SEC14L1: variants seen among roughly 807,000 people sequenced by gnomAD.
SEC14L1 encodes the protein SEC14-like protein 1.
In SEC14L1, 48 loss-of-function variants were observed where a neutral mutation model predicts 85.3. The ratio of observed to expected loss-of-function variants is 0.56; its 90% CI spans 0.45 to 0.72. The LOEUF is 0.72. SEC14L1 is among the 30% of genes least tolerant of loss of function. The pLI is 0.00. For synonymous variants in SEC14L1, 391 were observed against 355.5 expected (o/e 1.10, Z -1.12); for missense variants, 682 against 921.4 (o/e 0.74, Z 3.36).
At chr17:77,204,935 C>T (rs77992638) in intron 10 of SEC14L1, among the ~76,000 whole-genome samples, 2,226 of 152,240 alleles carry the variant, frequency 0.015, 48 homozygotes, top group Admixed American at 0.041. Flanking sequence ...TCAGAGTGTT[C>T]TCACACTCAC....
chr17:77,216,293 G>T lies in SEC14L1; in HGVS notation c.*2270G>T. 8.5e-7 allele frequency: 1 copy of T among 1,177,644 alleles called. No homozygotes were observed. Among genetic ancestry groups the T allele is most frequent in the South Asian group, 2.1e-5 (1 of 48,724 alleles). The allele number at this position is 1,177,644 out of a possible 1,614,324, so 72.9% of individuals were successfully genotyped here. A position where few individuals can be genotyped will look rare whatever the true frequency, so the allele number is the denominator to read the frequency against. ...TAGGTAGGGTTAGTAGGTAGGGTTC[G>T]TAGGTAGGGCTAGTAGGTAGGGCTA... On this transcript the variant is annotated 3_prime_UTR_variant, in exon 17 of 17. Transcript: ENST00000436233.
intron 2 of SEC14L1, among the ~76,000 whole-genome samples, chr17:77,091,781 A>G (rs55633074): frequency 0.18 from 26,802 of 151,838 alleles, 2,472 homozygotes; most frequent in Non-Finnish European, 0.19. Context: ...TTTCTCCTGG[A>G]GGTCTCCAAC....
chr17:77,166,140 T>G (rs78021156), intron 3 of SEC14L1, among the ~76,000 whole-genome samples: 14,505 of 152,258 alleles, frequency 0.095, 856 homozygotes, highest in East Asian at 0.29. Flanking sequence ...GAGATCTTGC[T>G]ATGTTGCCCA....
rs574920988 is a variant in SEC14L1, at chr17:77,156,574, T to TA, written c.63+12931dup. ...TGGGCAGCAGAGCGAGACTCCGTCTTAAAAAAAAAAAAAAAAGATGTCTAT... is the reference window on the plus strand; with the variant it reads ...TGGGCAGCAGAGCGAGACTCCGTCTTAAAAAAAAAAAAAAAAAGATGTCTAT... On this transcript the variant is annotated intron_variant, in intron 3 of 16. Transcript: ENST00000436233. Among the ~76,000 whole-genome samples, 922 of 136,530 alleles carry TA rather than the reference T, an allele frequency of 6.8e-3. 15 individuals are homozygous for TA. Among genetic ancestry groups the TA allele is most frequent in the African/African-American group, 0.018 (679 of 37,226 alleles). The allele number at this position is 136,530 out of a possible 152,430, so 89.6% of individuals were successfully genotyped here. A position where few individuals can be genotyped will look rare whatever the true frequency, so the allele number is the denominator to read the frequency against.
At chr17:77,137,067 G>C (rs1972821512), upstream of SEC14L1, among the ~76,000 whole-genome samples, 1 of 152,024 alleles carries the variant, frequency 6.6e-6, no homozygotes. Context: ...GTGCCACCAT[G>C]CCTGGTTAAT....
At chr17:77,089,200 T>TG in exon 2 of SEC14L1, 1 of 337,454 alleles carries the variant, frequency 3.0e-6, no homozygotes, top group Non-Finnish European at 5.9e-6. Flanking sequence ...GCTGAAAACA[T>TG]GCAGCAACCA....
chr17:77,191,449 G>A (rs1029815093), intron 5 of SEC14L1, 137 bp downstream of exon 5: 15 of 968,470 alleles, frequency 1.5e-5, no homozygotes, highest in Non-Finnish European at 2.4e-5. Context: ...CATTTCTCAT[G>A]TGTAGGAGGA....
chr17:77,152,773 T>C (rs1470603190), intron 3 of SEC14L1: 4 of 152,178 alleles, frequency 2.6e-5, no homozygotes, highest in African/African-American at 9.7e-5. Flanking sequence ...CACGTTCATG[T>C]TTTCTCACTT....
chr17:77,097,933 G>A (rs1387301375), intron 3 of SEC14L1, among the ~76,000 whole-genome samples: 1 of 152,090 alleles, frequency 6.6e-6, no homozygotes, highest in African/African-American at 2.4e-5. Context: ...ATTTTAGATG[G>A]GTGGCCTTTA....
chr17:77,152,190 G>A (rs1973588944), intron 3 of SEC14L1, among the ~76,000 whole-genome samples: 1 of 151,954 alleles, frequency 6.6e-6, no homozygotes, highest in Non-Finnish European at 1.5e-5. Flanking sequence ...AGATTACTAA[G>A]GCAGACTTTT....
At chr17:77,186,606 G>A (rs1284838842) in intron 3 of SEC14L1, among the ~76,000 whole-genome samples, 1 of 152,232 alleles carries the variant, frequency 6.6e-6, no homozygotes, top group Non-Finnish European at 1.5e-5. Flanking sequence ...ACCTTGTAAC[G>A]TTGTGGAGAG....
chr17:77,173,769 G>A (rs1341918597), intron 3 of SEC14L1, among the ~76,000 whole-genome samples: 1 of 152,162 alleles, frequency 6.6e-6, no homozygotes, highest in Non-Finnish European at 1.5e-5. Flanking sequence ...CAGTATTTTA[G>A]CAGGAGACCT....
chr17:77,180,693 G>A lies in SEC14L1; in HGVS notation c.64-10110G>A, dbSNP rs146507857. On this transcript the variant is annotated intron_variant, in intron 3 of 16. Coordinates refer to ENST00000436233, the MANE Select transcript of SEC14L1 (RefSeq NM_001143998.2). The stretch of plus-strand genomic sequence containing the variant: ...ATGTGCATGCCATGTACCATTGTGA[G>A]TTTGCCAGAAGCGGCCTTTGATCCT... Among the ~76,000 whole-genome samples the A allele has an allele frequency of 4.1e-3, 628 of 152,316 alleles. 7 individuals are homozygous for A. The highest frequency in any genetic ancestry group is 0.015 in the African/African-American group (605 of 41,564).
chr17:77,111,192 A>G (rs1043106251), intron 3 of SEC14L1, among the ~76,000 whole-genome samples: 10 of 73,928 alleles, frequency 1.4e-4, no homozygotes, highest in African/African-American at 3.8e-4. Flanking sequence ...TCTCAAAAAG[A>G]AAAAAAAAAA....
At chr17:77,132,072 G>A (rs1202715116) in intron 3 of SEC14L1, among the ~76,000 whole-genome samples, 1 of 152,120 alleles carries the variant, frequency 6.6e-6, no homozygotes, top group African/African-American at 2.4e-5. Context: ...TGCCTGTAGG[G>A]TAACCTACAT....
chr17:77,195,333 T>G (rs1975754825), intron 7 of SEC14L1, among the ~76,000 whole-genome samples: 1 of 150,886 alleles, frequency 6.6e-6, no homozygotes, highest in African/African-American at 2.4e-5. Context: ...TGTTTGTTTG[T>G]TTTGAGATAG....
At chr17:77,108,374 A>G (rs981868140) in intron 3 of SEC14L1, among the ~76,000 whole-genome samples, 1 of 152,226 alleles carries the variant, frequency 6.6e-6, no homozygotes, top group African/African-American at 2.4e-5. Context: ...TGGCAGCCCT[A>G]TGGTTCGTGT....
intron 3 of SEC14L1, among the ~76,000 whole-genome samples, chr17:77,095,451 G>A (rs184361361): frequency 4.1e-4 from 62 of 152,306 alleles, no homozygotes; most frequent in South Asian, 8.3e-4. Context: ...TGCATGAAGT[G>A]TCTGCAGACA....
At position 77,142,049 on chromosome 17, in the gene SEC14L1, C is replaced by T. The variant is rs115013339; in HGVS notation, c.-135-597C>T. Among the ~76,000 whole-genome samples the T allele has an allele frequency of 3.0e-3, 459 of 152,266 alleles. 2 individuals carry two copies. Among genetic ancestry groups the T allele is most frequent in the African/African-American group, 0.01 (431 of 41,550 alleles). On this transcript the variant is annotated intron_variant, in intron 1 of 16. Coordinates refer to ENST00000436233, the MANE Select transcript of SEC14L1 (RefSeq NM_001143998.2). ...AACTTGGGAGTTTGGCTCTCATTCT[C>T]ATGGTTTTAGAGGTGGAAGTCTTTC...
Sources: allele counts gnomAD v4.1 joint callset (sites outside exome capture counted in the v4.1 genomes callset), GRCh38; gene constraint gnomAD v4.1.1; transcripts MANE v1.5; gene names NCBI Gene and HGNC (gene_info 2026-07-23, HGNC 2026-07-21).